The following ELMO1 variants were observed in gnomAD, a reference collection of about 807,000 sequenced individuals.
ELMO1 encodes engulfment and cell motility protein 1.
ELMO1 carries 26 observed loss-of-function variants against 98.9 expected under a neutral mutation model. That is an observed-to-expected ratio of 0.26 (90% CI 0.19 to 0.36). The LOEUF (loss-of-function observed/expected upper bound fraction) is 0.36. Ranked by LOEUF, ELMO1 falls within the 10% of genes least tolerant of loss-of-function variation. The probability of loss-of-function intolerance (pLI) is 1.00; values close to 1 mark genes in which losing one functional copy is unlikely to be tolerated. For synonymous variants in ELMO1, 346 were observed against 346.0 expected, an observed-to-expected ratio of 1.00 and a Z score of 0.00; for missense variants, 627 against 935.2, an observed-to-expected ratio of 0.67 and a Z score of 4.30.
intron 20 of ELMO1, among the ~76,000 whole-genome samples, chr7:36,867,206 T>C (rs1448790776): frequency 6.6e-6 from 1 of 152,174 alleles, no homozygotes; most frequent in East Asian, 1.9e-4. Flanking sequence ...CCATCCATCA[T>C]CCATCTATCC....
chr7:36,938,804 TGA>T (rs1380848055), intron 16 of ELMO1, among the ~76,000 whole-genome samples: 12 of 149,514 alleles, frequency 8.0e-5, no homozygotes, highest in Non-Finnish European at 1.2e-4. Flanking sequence ...GTAAGGTCCA[TGA>T]GAGAGATTTT....
In ELMO1 at chr7:37,074,965, C is replaced by A. The variant is rs948793561; in HGVS notation, c.1300+21654G>T. ...GAATGGGGGTGAATGACTACTCAAT[C>A]ATTTTCTTATTAGTCGGAACCCTGA... On this transcript the variant is annotated intron_variant, in intron 15 of 21. Coordinates refer to ENST00000310758, the MANE Select transcript of ELMO1 (RefSeq NM_014800.11). Among the ~76,000 whole-genome samples, 3 of 152,136 alleles carry A rather than the reference C, an allele frequency of 2.0e-5. 1 individual carries two copies. In the South Asian group the frequency reaches 6.2e-4, roughly 32 times the overall value.
intron 13 of ELMO1, among the ~76,000 whole-genome samples, chr7:37,200,780 A>G (rs1222350166): frequency 2.6e-5 from 4 of 152,106 alleles, no homozygotes; most frequent in Admixed American, 6.6e-5. Context: ...AGCCTGGGCA[A>G]CATGGTGAAA....
chr7:37,207,268 C>T (rs187794692), intron 13 of ELMO1, among the ~76,000 whole-genome samples: 5 of 152,240 alleles, frequency 3.3e-5, no homozygotes, highest in South Asian at 2.1e-4. Flanking sequence ...AGCATTATCC[C>T]GGCAGGGCAC....
At chr7:37,430,218 G>A (rs974462475) in intron 1 of ELMO1, among the ~76,000 whole-genome samples, 6 of 152,110 alleles carry the variant, frequency 3.9e-5, no homozygotes, top group African/African-American at 1.4e-4. Flanking sequence ...GCACATTTTT[G>A]GCCAACAGGA....
intron 1 of ELMO1, among the ~76,000 whole-genome samples, chr7:37,438,812 G>A (rs1188466408): frequency 6.6e-6 from 1 of 152,200 alleles, no homozygotes; most frequent in African/African-American, 2.4e-5. Context: ...CCCATCTGCT[G>A]TACTCAACAG....
intron 4 of ELMO1, among the ~76,000 whole-genome samples, chr7:37,286,250 T>A (rs1422821292): frequency 6.6e-6 from 1 of 151,630 alleles, no homozygotes; most frequent in Non-Finnish European, 1.5e-5. Context: ...GATGGAGGAG[T>A]GGCCAAGCTT....
chr7:37,341,673 T>C (rs1800731413), intron 2 of ELMO1, among the ~76,000 whole-genome samples: 1 of 152,226 alleles, frequency 6.6e-6, no homozygotes, highest in Non-Finnish European at 1.5e-5. Context: ...AACTCTCGCA[T>C]TGATCTGCCA....
chr7:36,922,644 T>C (rs888508490), intron 16 of ELMO1, among the ~76,000 whole-genome samples: 2 of 152,166 alleles, frequency 1.3e-5, no homozygotes, highest in African/African-American at 4.8e-5. Flanking sequence ...ATCTTATAAA[T>C]GAATATGACT....
intron 4 of ELMO1, among the ~76,000 whole-genome samples, chr7:37,273,477 C>T (rs1796674987): frequency 6.6e-6 from 1 of 152,186 alleles, no homozygotes; most frequent in South Asian, 2.1e-4. Context: ...TTTTTTGAGG[C>T]CTCTCCAGCC....
At chr7:37,083,918 G>C (rs1783617090) in intron 15 of ELMO1, among the ~76,000 whole-genome samples, 2 of 152,240 alleles carry the variant, frequency 1.3e-5, no homozygotes, top group Admixed American at 6.5e-5. Context: ...GCCTAGAACA[G>C]AGATTGAACT....
chr7:36,956,030 C>T (rs983910422), intron 16 of ELMO1, among the ~76,000 whole-genome samples: 4 of 152,166 alleles, frequency 2.6e-5, no homozygotes, highest in African/African-American at 9.7e-5. Flanking sequence ...ATGTTTAGAT[C>T]TCTAGGTCTT....
Position 37,331,358 on chromosome 7 carries a change from A to C in ELMO1, c.78+11255T>G, listed in dbSNP as rs1181552529. On this transcript the variant is annotated intron_variant, in intron 2 of 21. Transcript: ENST00000310758. The stretch of plus-strand genomic sequence containing the variant: ...CTTTTTTTTTTTTTTTTTTTTTTGG[A>C]ATTTTAGTAGAGACAGGGTTTCACT... Among the ~76,000 whole-genome samples, 2 of 10,442 alleles carry C rather than the reference A, an allele frequency of 1.9e-4. 1 individual carries two copies. Among genetic ancestry groups the C allele is most frequent in the Non-Finnish European group, 4.4e-4 (2 of 4,550 alleles). The allele number at this position is 10,442 out of a possible 152,430, so 6.9% of individuals were successfully genotyped here. A position where few individuals can be genotyped will look rare whatever the true frequency, so the allele number is the denominator to read the frequency against.
chr7:36,863,177 G>A (rs1433536707), intron 20 of ELMO1, among the ~76,000 whole-genome samples: 1 of 152,136 alleles, frequency 6.6e-6, no homozygotes, highest in African/African-American at 2.4e-5. Flanking sequence ...AGAAACAAGC[G>A]AAGGAAAGAA....
intron 16 of ELMO1, among the ~76,000 whole-genome samples, chr7:36,912,404 G>A (rs968790344): frequency 6.6e-6 from 1 of 152,176 alleles, no homozygotes; most frequent in Admixed American, 6.5e-5. Context: ...ACCTTAGAAA[G>A]GCAGCACAGT....
At chr7:37,009,031 C>T (rs1315518567) in intron 16 of ELMO1, among the ~76,000 whole-genome samples, 2 of 152,226 alleles carry the variant, frequency 1.3e-5, no homozygotes, top group African/African-American at 4.8e-5. Context: ...TACACACAGA[C>T]ATATACTCTA....
intron 10 of ELMO1, among the ~76,000 whole-genome samples, chr7:37,218,696 A>C (rs1793430201): frequency 6.6e-6 from 1 of 152,258 alleles, no homozygotes; most frequent in African/African-American, 2.4e-5. Flanking sequence ...GAAAAACTAC[A>C]ATGCATGTAG....
chr7:37,361,521 G>T (rs1191943993), intron 1 of ELMO1, among the ~76,000 whole-genome samples: 1 of 152,120 alleles, frequency 6.6e-6, no homozygotes, highest in South Asian at 2.1e-4. Context: ...AGACCATCCC[G>T]CCTGTAAGCC....
At chr7:37,357,342 G>T (rs148315477) in intron 1 of ELMO1, among the ~76,000 whole-genome samples, 8 of 152,242 alleles carry the variant, frequency 5.3e-5, no homozygotes, top group South Asian at 2.1e-4. Flanking sequence ...TTGAACACAG[G>T]TATCACACCC....
Sources: gnomAD v4.1 joint callset for allele counts (sites outside exome capture counted in the v4.1 genomes callset) on GRCh38, gnomAD v4.1.1 for gene constraint, MANE v1.5 for transcripts, NCBI Gene and HGNC (gene_info 2026-07-23, HGNC 2026-07-21) for gene names.